The following EXOC6B variants were observed in gnomAD, a reference collection of about 807,000 sequenced individuals.
The protein encoded by EXOC6B is exocyst complex component 6B.
A neutral mutation model predicts 113.5 loss-of-function variants in EXOC6B; 54 were observed. That is an observed-to-expected ratio of 0.48 (90% confidence interval 0.38 to 0.60). The LOEUF (loss-of-function observed/expected upper bound fraction) is 0.60. Ranked by LOEUF, EXOC6B falls within the 20% of genes least tolerant of loss-of-function variation. The pLI is 0.00. For synonymous variants in EXOC6B, 357 were observed against 339.0 expected (o/e 1.05, Z -0.58); for missense variants, 797 against 977.5 (o/e 0.82, Z 2.46).
chr2:72,626,780 T>C (rs897206124), intron 6 of EXOC6B, among the ~76,000 whole-genome samples: 1 of 152,210 alleles, frequency 6.6e-6, no homozygotes, highest in African/African-American at 2.4e-5. Flanking sequence ...CTCCCCACTA[T>C]GCCAGAATCT....
At chr2:72,446,317 C>T (rs534299788) in intron 18 of EXOC6B, among the ~76,000 whole-genome samples, 51 of 150,088 alleles carry the variant, frequency 3.4e-4, no homozygotes, top group Admixed American at 2.1e-3. Flanking sequence ...AGGTGGAGGC[C>T]GCGGTGAGCC....
At chr2:72,265,275 T>C (rs2104599905) in intron 20 of EXOC6B, among the ~76,000 whole-genome samples, 1 of 134,024 alleles carries the variant, frequency 7.5e-6, no homozygotes, top group African/African-American at 3.3e-5. Flanking sequence ...TATTATACTT[T>C]AAGTTTGAGG....
chr2:72,624,825 A>G (rs1331721521), intron 6 of EXOC6B, among the ~76,000 whole-genome samples: 1 of 152,200 alleles, frequency 6.6e-6, no homozygotes, highest in African/African-American at 2.4e-5. Context: ...TAAGTAGATT[A>G]CACATGTTAT....
chr2:72,367,838 G>C (rs1690732618), intron 19 of EXOC6B, among the ~76,000 whole-genome samples: 1 of 152,068 alleles, frequency 6.6e-6, no homozygotes, highest in South Asian at 2.1e-4. Flanking sequence ...ACACATGGAG[G>C]GAACATTTGG....
chr2:72,487,275 AC>A (rs1216557533), intron 16 of EXOC6B, among the ~76,000 whole-genome samples: 1 of 152,160 alleles, frequency 6.6e-6, no homozygotes, highest in Non-Finnish European at 1.5e-5. Flanking sequence ...TTTAGTTGTC[AC>A]GTCTTCTTAG....
At chr2:72,236,208 G>A in intron 20 of EXOC6B, among the ~76,000 whole-genome samples, 1 of 152,144 alleles carries the variant, frequency 6.6e-6, no homozygotes, top group Non-Finnish European at 1.5e-5. Flanking sequence ...CAGTAACAGT[G>A]GTTGCTTACC....
At chr2:72,408,507 C>T (rs1404835421) in intron 18 of EXOC6B, among the ~76,000 whole-genome samples, 2 of 152,196 alleles carry the variant, frequency 1.3e-5, no homozygotes, top group African/African-American at 2.4e-5. Context: ...GGTACTGGTA[C>T]CAAAACAGAG....
intron 8 of EXOC6B, among the ~76,000 whole-genome samples, chr2:72,542,365 C>T (rs1702653092): frequency 6.6e-6 from 1 of 152,130 alleles, no homozygotes; most frequent in South Asian, 2.1e-4. Flanking sequence ...GCTTCTAGTC[C>T]AGTATTAAGC....
intron 6 of EXOC6B, among the ~76,000 whole-genome samples, chr2:72,707,480 C>T (rs1338575770): frequency 1.3e-5 from 2 of 150,694 alleles, no homozygotes; most frequent in African/African-American, 2.4e-5. Context: ...GTGGTGTGAT[C>T]TCAGCTCACT....
At chr2:72,438,426 T>C (rs925151005) in intron 18 of EXOC6B, among the ~76,000 whole-genome samples, 5 of 152,066 alleles carry the variant, frequency 3.3e-5, no homozygotes, top group South Asian at 4.1e-4. Context: ...CTGTGCAACA[T>C]AGAGAGACCC....
At chr2:72,749,282 A>G (rs1232930733) in intron 1 of EXOC6B, among the ~76,000 whole-genome samples, 3 of 152,116 alleles carry the variant, frequency 2.0e-5, no homozygotes, top group African/African-American at 7.2e-5. Context: ...TTGGTAGGTT[A>G]GCTCTGGTCT....
intron 17 of EXOC6B, among the ~76,000 whole-genome samples, chr2:72,468,800 T>A (rs570585243): frequency 1.3e-5 from 2 of 152,334 alleles, no homozygotes; most frequent in Admixed American, 6.5e-5. Flanking sequence ...TCTTCAATTT[T>A]TTCTTCAATG....
intron 1 of EXOC6B, among the ~76,000 whole-genome samples, chr2:72,807,614 A>G (rs1411345149): frequency 6.6e-6 from 1 of 152,186 alleles, no homozygotes; most frequent in Non-Finnish European, 1.5e-5. Context: ...CAACAGATGA[A>G]TGGATAATGA....
At chr2:72,741,234 C>T in intron 2 of EXOC6B, 70 bp downstream of exon 2, 2 of 1,448,390 alleles carry the variant, frequency 1.4e-6, no homozygotes, top group African/African-American at 1.4e-5. Context: ...TGTTATAATC[C>T]TTAATCCTTT....
At chr2:72,456,527 C>T (rs1697245567) in intron 18 of EXOC6B, among the ~76,000 whole-genome samples, 1 of 152,056 alleles carries the variant, frequency 6.6e-6, no homozygotes. Context: ...CCATAGTTGG[C>T]AATCAATCTA....
chr2:72,461,809 T>C (rs1028929687), intron 18 of EXOC6B: 1 of 152,036 alleles, frequency 6.6e-6, no homozygotes, highest in Non-Finnish European at 1.5e-5. Flanking sequence ...TAGCAGCAGG[T>C]ATGAAAATAC....
At chr2:72,214,841 C>T (rs1680418907) in intron 20 of EXOC6B, among the ~76,000 whole-genome samples, 1 of 152,164 alleles carries the variant, frequency 6.6e-6, no homozygotes. Context: ...TATGTTTTTG[C>T]ATGCGAAAAT....
At chr2:72,513,980 T>A (rs1701079876) in intron 10 of EXOC6B, among the ~76,000 whole-genome samples, 3 of 152,158 alleles carry the variant, frequency 2.0e-5, no homozygotes, top group African/African-American at 7.2e-5. Context: ...TATTTCCTTT[T>A]CTTTTAACTG....
At chr2:72,467,358 G>A (rs1327179236) in intron 17 of EXOC6B, among the ~76,000 whole-genome samples, 1 of 152,162 alleles carries the variant, frequency 6.6e-6, no homozygotes, top group Non-Finnish European at 1.5e-5. Flanking sequence ...CCAGTAGTGG[G>A]ATTGCTGAAA....
Sources: gnomAD v4.1 joint callset for allele counts (sites outside exome capture counted in the v4.1 genomes callset) on GRCh38, gnomAD v4.1.1 for gene constraint, MANE v1.5 for transcripts, NCBI Gene and HGNC (gene_info 2026-07-23, HGNC 2026-07-21) for gene names.